The following SOX6 variants were observed in gnomAD, a reference collection of about 807,000 sequenced individuals.
The protein encoded by SOX6 is transcription factor SOX-6.
In SOX6, 11 loss-of-function variants were observed where a neutral mutation model predicts 97.8. That is an observed-to-expected ratio of 0.11 (90% CI 0.07 to 0.19). SOX6 has a LOEUF of 0.19. Ranked by LOEUF, SOX6 falls within the 10% of genes least tolerant of loss-of-function variation. The pLI is 1.00. For missense variants in SOX6, 810 were observed against 1,039.5 expected (o/e 0.78, Z 3.04); for synonymous variants, 360 against 371.4 (o/e 0.97, Z 0.35).
intron 6 of SOX6, among the ~76,000 whole-genome samples, chr11:16,143,562 G>C (rs1850207734): frequency 6.6e-6 from 1 of 152,118 alleles, no homozygotes. Context: ...TTGGCAAATT[G>C]GATATAGAGT....
chr11:16,444,089 C>T (rs1411253255), intron 1 of SOX6, among the ~76,000 whole-genome samples: 1 of 150,368 alleles, frequency 6.7e-6, no homozygotes, highest in African/African-American at 2.5e-5. Flanking sequence ...TAATTATTAC[C>T]TAATGAGATT....
At chr11:16,241,636 G>A (rs1278052529) in intron 3 of SOX6, among the ~76,000 whole-genome samples, 1 of 151,936 alleles carries the variant, frequency 6.6e-6, no homozygotes, top group African/African-American at 2.4e-5. Flanking sequence ...GTCAATCATA[G>A]TTCTATGTTG....
intron 3 of SOX6, among the ~76,000 whole-genome samples, chr11:16,278,870 G>A (rs955293099): frequency 9.9e-5 from 15 of 151,958 alleles, no homozygotes; most frequent in African/African-American, 3.6e-4. Context: ...AACCCAAAAA[G>A]AAAACAATAA....
intron 9 of SOX6, among the ~76,000 whole-genome samples, chr11:16,063,573 A>T (rs1214726607): frequency 8.8e-6 from 1 of 113,352 alleles, no homozygotes; most frequent in African/African-American, 3.2e-5. Flanking sequence ...CTATGATACA[A>T]TCATTTAGGA....
intron 3 of SOX6, among the ~76,000 whole-genome samples, chr11:16,298,713 A>T (rs1855168118): frequency 6.6e-6 from 1 of 151,076 alleles, no homozygotes; most frequent in Admixed American, 6.6e-5. Context: ...AGTTTTACTT[A>T]TTTTTTTTTA....
intron 2 of SOX6, among the ~76,000 whole-genome samples, chr11:16,719,749 C>G (rs1371297165): frequency 1.3e-5 from 2 of 151,986 alleles, no homozygotes; most frequent in African/African-American, 4.8e-5. Context: ...CATAGTGAGA[C>G]CTCACCTCTA....
intron 15 of SOX6, among the ~76,000 whole-genome samples, chr11:15,974,834 T>C (rs888102362): frequency 6.6e-6 from 1 of 152,150 alleles, no homozygotes; most frequent in East Asian, 1.9e-4. Context: ...ATATAAAATA[T>C]TTTCAGGTAT....
At chr11:16,389,207 C>T (rs547925700) in intron 1 of SOX6, among the ~76,000 whole-genome samples, 19 of 152,226 alleles carry the variant, frequency 1.2e-4, no homozygotes, top group African/African-American at 4.6e-4. Context: ...CTCAGCCTCT[C>T]AAGTAGCTAG....
chr11:15,972,863 G>A lies in SOX6; in HGVS notation c.2433C>T (p.Pro811=). 1 of 1,614,202 alleles carries A rather than the reference G, an allele frequency of 6.2e-7. No homozygotes were observed. The highest frequency in any genetic ancestry group is 1.1e-5 in the South Asian group (1 of 91,088). Residue 811 remains proline (P), a synonymous_variant, in exon 16 of 16, where the codon CCC becomes CCT. Coordinates refer to ENST00000683767, the MANE Select transcript of SOX6 (RefSeq NM_001367873.1). ...CATTTTCACTGCTATAGTCTGATTT[G>A]GGGTCATCTTCATAGTCATCATACA... ...MEMYDDYEDD[P]KSDYSSENEA... is the part of the protein sequence containing the mutation.
At chr11:16,641,502 G>A in intron 3 of SOX6, among the ~76,000 whole-genome samples, 1 of 152,038 alleles carries the variant, frequency 6.6e-6, no homozygotes. Flanking sequence ...TGTTGACAGT[G>A]GGGTGTTAAA....
intron 9 of SOX6, among the ~76,000 whole-genome samples, chr11:16,073,303 C>G (rs1848267856): frequency 6.7e-6 from 1 of 149,638 alleles, no homozygotes; most frequent in African/African-American, 2.5e-5. Flanking sequence ...ATGCTAATTT[C>G]AGAAAAAAAA....
At chr11:16,410,972 T>C (rs550212740) in intron 1 of SOX6, among the ~76,000 whole-genome samples, 64 of 144,916 alleles carry the variant, frequency 4.4e-4, no homozygotes, top group African/African-American at 1.6e-3. Context: ...GTAGGGGAGA[T>C]AGTGAGTGAC....
At chr11:16,541,900 G>C (rs536851815) in intron 4 of SOX6, among the ~76,000 whole-genome samples, 2 of 152,352 alleles carry the variant, frequency 1.3e-5, no homozygotes, top group South Asian at 4.1e-4. Flanking sequence ...GTGGGAGACA[G>C]TGTGACGATT....
At chr11:16,033,997 G>C (rs1855452760) in intron 12 of SOX6, among the ~76,000 whole-genome samples, 1 of 152,190 alleles carries the variant, frequency 6.6e-6, no homozygotes, top group Non-Finnish European at 1.5e-5. Context: ...AAACCAATGT[G>C]ATTTTGTAAA....
At chr11:16,442,570 A>T (rs1859524056) in intron 1 of SOX6, among the ~76,000 whole-genome samples, 1 of 152,160 alleles carries the variant, frequency 6.6e-6, no homozygotes, top group East Asian at 1.9e-4. Context: ...AATTATATTT[A>T]TGTGCATATC....
chr11:15,977,585 C>T (rs1222041995), intron 15 of SOX6, among the ~76,000 whole-genome samples: 1 of 151,852 alleles, frequency 6.6e-6, no homozygotes, highest in Non-Finnish European at 1.5e-5. Flanking sequence ...CCCTTGCAGA[C>T]ACTCTCCATT....
intron 15 of SOX6, among the ~76,000 whole-genome samples, chr11:15,982,189 G>A (rs749250602): frequency 1.3e-5 from 2 of 151,976 alleles, no homozygotes; most frequent in Non-Finnish European, 2.9e-5. Flanking sequence ...TGGTAAAAGG[G>A]ACATATGTTT....
chr11:16,377,573 A>C (rs1051911592), intron 1 of SOX6, among the ~76,000 whole-genome samples: 3 of 152,182 alleles, frequency 2.0e-5, no homozygotes, highest in East Asian at 1.9e-4. Flanking sequence ...ACAATTTAAG[A>C]TGGAAAAAAA....
chr11:16,378,761 TGA>T (rs1036974601), intron 1 of SOX6, among the ~76,000 whole-genome samples: 26 of 152,054 alleles, frequency 1.7e-4, no homozygotes, highest in African/African-American at 6.3e-4. Flanking sequence ...TTAGATTTCA[TGA>T]GAGAGATTTG....
Sources: gnomAD v4.1 joint callset for allele counts (sites outside exome capture counted in the v4.1 genomes callset) on GRCh38, gnomAD v4.1.1 for gene constraint, MANE v1.5 for transcripts, NCBI Gene and HGNC (gene_info 2026-07-23, HGNC 2026-07-21) for gene names.